The following MSL1 variants were observed in gnomAD, a reference collection of about 807,000 sequenced individuals.
MSL1 encodes the protein male-specific lethal 1 homolog.
Under a neutral mutation model 64.6 loss-of-function variants are expected in MSL1, and 21 were observed. The observed-to-expected ratio is 0.33, with a 90% CI of 0.23 to 0.47. The LOEUF (loss-of-function observed/expected upper bound fraction) is 0.47, where lower values mean the gene tolerates loss of function less well. Among genes scored for constraint, MSL1 ranks in the 20% least tolerant of loss-of-function variants. The probability of loss-of-function intolerance (pLI) is 1.00; values close to 1 mark genes in which losing one functional copy is unlikely to be tolerated. For synonymous variants in MSL1, 339 were observed against 329.6 expected, an observed-to-expected ratio of 1.03 and a Z score of -0.31; for missense variants, 664 against 793.2, an observed-to-expected ratio of 0.84 and a Z score of 1.96.
In MSL1 at chr17:40,131,331, TA is replaced by T. The variant is rs879857425; in HGVS notation, c.1376-195del. 0.073 allele frequency: 28,522 copies of T among 392,960 alleles called. No homozygotes were observed. Among genetic ancestry groups the T allele is most frequent in the South Asian group, 0.1 (2,641 of 26,010 alleles). The allele number at this position is 392,960 out of a possible 1,614,324, so 24.3% of individuals were successfully genotyped here. A position where few individuals can be genotyped will look rare whatever the true frequency, so the allele number is the denominator to read the frequency against. On this transcript the variant is annotated intron_variant, in intron 3 of 8. Coordinates refer to ENST00000398532, the MANE Select transcript of MSL1 (RefSeq NM_001365919.1). The surrounding 1 kb of genome is among the most constrained non-coding windows in gnomAD (Gnocchi z 4.5). ...ATGAAGAAAAGAAGTCGTCTCAGTG[TA>T]AAAAAAAAAAGTGGTGGGCTTATTT...
rs1567668625 is a variant in MSL1 at position 40,126,169 on chromosome 17, ACT to A, written c.769-7_769-6del. 6.2e-7 allele frequency: 1 copy of A among 1,612,068 alleles called. No individual in the cohort carries two copies. The highest frequency in any genetic ancestry group is 2.2e-5 in the East Asian group (1 of 44,874). On this transcript the variant is annotated splice_polypyrimidine_tract_variant and intron_variant, in intron 1 of 8. Transcript: ENST00000398532. The stretch of plus-strand genomic sequence containing the variant: ...TTATGTGTTAAGTCTGCATTTTGCT[ACT>A]CTCTCTTTTAGCTCCTTGCTCGGAT...
chr17:40,123,205 G>A lies in MSL1; in HGVS notation c.593G>A (p.Arg198Lys), dbSNP rs1988232532. 1 of 1,535,514 alleles carries A rather than the reference G, an allele frequency of 6.5e-7. No homozygotes were observed. The highest frequency in any genetic ancestry group is 1.4e-5 in the African/African-American group (1 of 73,042). ...GGGACCCTGGCGGCCAGCGAGGGCA[G>A]ATGGAAGAGTATGAGGAAGAGCCCT... ...TAGTLAASEG[R>K]WKSMRKSPLG... Residue 198 changes from arginine to lysine, a missense_variant, in exon 1 of 9, where the codon AGA becomes AAA. By Grantham distance (26) the Arg-to-Lys change is conservative. Coordinates refer to ENST00000398532, the MANE Select transcript of MSL1 (RefSeq NM_001365919.1).
At position 40,123,220 on chromosome 17, in the gene MSL1, G is replaced by C; in HGVS notation, c.608G>C (p.Arg203Thr). Residue 203 changes from arginine (R) to threonine (T), a missense_variant, in exon 1 of 9, where the codon AGG (arginine) becomes ACG (threonine). Physicochemically the swap from Arg to Thr is moderately conservative, Grantham distance 71. Transcript: ENST00000398532. ...AASEGRWKSM[R>T]KSPLGGGGGS... is the part of the protein sequence containing the mutation. ...AGCGAGGGCAGATGGAAGAGTATGAGGAAGAGCCCTCTCGGGGGTGGTGGC... is the reference window on the plus strand; with the variant it reads ...AGCGAGGGCAGATGGAAGAGTATGACGAAGAGCCCTCTCGGGGGTGGTGGC... The C allele has an allele frequency of 5.2e-6, 8 of 1,535,696 alleles. No individual in the cohort carries two copies. Among genetic ancestry groups the C allele is most frequent in the Non-Finnish European group, 7.0e-6 (8 of 1,146,856 alleles).
rs1472134608 is a variant in MSL1, at chr17:40,136,647, T to G, written c.*2278T>G. ...TAAAAAAAATTGCTTGTCTGTCTACTTCAGCTTTGTTTTATGCCCATTTCA... is the reference window on the plus strand; with the variant it reads ...TAAAAAAAATTGCTTGTCTGTCTACGTCAGCTTTGTTTTATGCCCATTTCA... On this transcript the variant is annotated 3_prime_UTR_variant, in exon 9 of 9. Transcript: ENST00000398532. 6.6e-6 allele frequency: 1 copy of G among 152,398 alleles called. No homozygotes were observed. 9.4% of individuals were successfully genotyped at this position (152,398 alleles called of 1,614,324 possible).
chr17:40,124,814 A>G (rs1988277288), intron 1 of MSL1: 1 of 152,196 alleles, frequency 6.6e-6, no homozygotes. Flanking sequence ...AGTATGGCTG[A>G]TAGGGGGGTT....
chr17:40,123,637 C>A (rs1250271501), intron 1 of MSL1, among the ~76,000 whole-genome samples: 1 of 151,948 alleles, frequency 6.6e-6, no homozygotes, highest in Non-Finnish European at 1.5e-5. Flanking sequence ...AAAATGACAG[C>A]CCCAGACGTG....
At chr17:40,132,123 G>A in intron 5 of MSL1, 25 bp downstream of exon 5, 2 of 1,523,334 alleles carry the variant, frequency 1.3e-6, no homozygotes, top group Non-Finnish European at 1.8e-6. Flanking sequence ...GCACTCAATT[G>A]AAGAGAGTAA....
chr17:40,122,959 G>A lies in MSL1; in HGVS notation c.347G>A (p.Gly116Glu). 1 of 1,526,464 alleles carries A rather than the reference G, an allele frequency of 6.6e-7. No homozygotes were observed. 94.6% of individuals were successfully genotyped at this position (1,526,464 alleles called of 1,614,324 possible). The change falls in exon 1 of 9, where the codon GGG (glycine) becomes GAG (glutamate). Residue 116 changes from glycine (G) to glutamate (E), a missense_variant. Gly to Glu is a moderately conservative substitution (Grantham distance 98). Around this residue, in one of 4 missense-constraint regions of MSL1, gnomAD observed 466 missense variants for 499.0 expected, o/e 0.93. Coordinates refer to ENST00000398532, the MANE Select transcript of MSL1 (RefSeq NM_001365919.1). This position sits in a 1 kb window ranked among gnomAD's most constrained non-coding sequence, Gnocchi z 4.2. The stretch of plus-strand genomic sequence containing the variant: ...GCCACCAAGCAAGCCGGCATTGGGG[G>A]GGAGCCTGCCGCAGCCGGAGCCGGC... ...PPATKQAGIG[G>E]EPAAAGAGCS...
At position 40,131,778 on chromosome 17, in the gene MSL1, A is replaced by G. The variant is rs566139539; in HGVS notation, c.1423+194A>G. 17 of 644,618 alleles carry G rather than the reference A, an allele frequency of 2.6e-5. No homozygotes were observed. Among genetic ancestry groups the G allele is most frequent in the Non-Finnish European group, 4.7e-5 (17 of 360,520 alleles). The allele number at this position is 644,618 out of a possible 1,614,324, so 39.9% of individuals were successfully genotyped here. A position where few individuals can be genotyped will look rare whatever the true frequency, so the allele number is the denominator to read the frequency against. ...TTTCAGGAACTGCTATAGCATCATT[A>G]TATGAATTGTCAGGTATTGGTTTAG... On this transcript the variant is annotated intron_variant, in intron 4 of 8. Transcript: ENST00000398532. The surrounding 1 kb of genome is among the most constrained non-coding windows in gnomAD (Gnocchi z 4.5).
intron 5 of MSL1, among the ~76,000 whole-genome samples, chr17:40,132,628 C>T (rs1223441916): frequency 6.6e-6 from 1 of 152,092 alleles, no homozygotes; most frequent in Non-Finnish European, 1.5e-5. Flanking sequence ...GACGGAGTGA[C>T]TCCATCACAC....
In MSL1 at chr17:40,126,176, C is replaced by CT. The variant is rs776898656; in HGVS notation, c.769-3dup. 2 of 1,613,694 alleles carry CT rather than the reference C, an allele frequency of 1.2e-6. No individual in the cohort carries two copies. Among genetic ancestry groups the CT allele is most frequent in the Admixed American group, 3.3e-5 (2 of 60,026 alleles). On this transcript the variant is annotated splice_polypyrimidine_tract_variant and splice_region_variant and intron_variant, in intron 1 of 8. Coordinates refer to ENST00000398532, the MANE Select transcript of MSL1 (RefSeq NM_001365919.1). ...TTAAGTCTGCATTTTGCTACTCTCT[C>CT]TTTTAGCTCCTTGCTCGGATTGAAC...
chr17:40,132,378 CT>C (rs1988454161), intron 5 of MSL1, among the ~76,000 whole-genome samples: 1 of 152,134 alleles, frequency 6.6e-6, no homozygotes, highest in Non-Finnish European at 1.5e-5. Context: ...TGGCTTACGC[CT>C]ATAATCCCAG....
At chr17:40,132,433 T>A (rs2145135600) in intron 5 of MSL1, among the ~76,000 whole-genome samples, 1 of 151,828 alleles carries the variant, frequency 6.6e-6, no homozygotes, top group East Asian at 1.9e-4. Context: ...AGGTCAGGAG[T>A]CAGAGATCAG....
chr17:40,125,211 A>G (rs549832249), intron 1 of MSL1, among the ~76,000 whole-genome samples: 35 of 152,338 alleles, frequency 2.3e-4, no homozygotes, highest in Non-Finnish European at 4.0e-4. Context: ...AAACTAAAGG[A>G]ACTTTGATTT....
In MSL1 at chr17:40,122,564, T is replaced by G. The variant is rs1598409235; in HGVS notation, c.-49T>G. 45 of 976,416 alleles carry G rather than the reference T, an allele frequency of 4.6e-5. No individual in the cohort carries two copies. The highest frequency in any genetic ancestry group is 9.4e-5 in the East Asian group (2 of 21,350). 60.5% of individuals were successfully genotyped at this position (976,416 alleles called of 1,614,324 possible). A position where few individuals can be genotyped will look rare whatever the true frequency, so the allele number is the denominator to read the frequency against. On this transcript the variant is annotated 5_prime_UTR_variant, in exon 1 of 9. Coordinates refer to ENST00000398532, the MANE Select transcript of MSL1 (RefSeq NM_001365919.1). This position sits in a 1 kb window ranked among gnomAD's most constrained non-coding sequence, Gnocchi z 4.2. ...TCCTCGACCCCCCGCACCTCGCCCC[T>G]TCCCCACCCCCTCCTCCGCCTCGGT...
At position 40,122,966 on chromosome 17, in the gene MSL1, TGCCGCA is replaced by T. The variant is rs1004486585; in HGVS notation, c.359_364del (p.Ala120_Ala121del). 30 of 1,526,736 alleles carry T rather than the reference TGCCGCA, an allele frequency of 2.0e-5. No individual in the cohort carries two copies. Among genetic ancestry groups the T allele is most frequent in the Admixed American group, 4.0e-5 (2 of 50,410 alleles). The allele number at this position is 1,526,736 out of a possible 1,614,324, so 94.6% of individuals were successfully genotyped here. A position where few individuals can be genotyped will look rare whatever the true frequency, so the allele number is the denominator to read the frequency against. On this transcript the variant is annotated inframe_deletion, in exon 1 of 9. Coordinates refer to ENST00000398532, the MANE Select transcript of MSL1 (RefSeq NM_001365919.1). The surrounding 1 kb of genome is among the most constrained non-coding windows in gnomAD (Gnocchi z 4.2). ...AGCAAGCCGGCATTGGGGGGGAGCC[TGCCGCA>T]GCCGGAGCCGGCTGCAGCCCCCGGC...
At position 40,122,718 on chromosome 17, in the gene MSL1, G is replaced by T; in HGVS notation, c.106G>T (p.Asp36Tyr). Residue 36 changes from aspartate (D) to tyrosine (Y), a missense_variant, in exon 1 of 9, where the codon GAC becomes TAC. By Grantham distance (160) the Asp-to-Tyr change is radical. Transcript: ENST00000398532. The surrounding 1 kb of genome is among the most constrained non-coding windows in gnomAD (Gnocchi z 4.2). ...ERAAALGGPE[D>Y]EPGAAEAHFL... ...GGCTGCGGCGCTGGGCGGGCCCGAG[G>T]ACGAGCCTGGGGCGGCCGAAGCCCA... is the stretch of plus-strand genomic sequence containing the variant. 6.8e-7 allele frequency: 1 copy of T among 1,477,794 alleles called. No individual in the cohort carries two copies. The highest frequency in any genetic ancestry group is 8.9e-7 in the Non-Finnish European group (1 of 1,122,080). The allele number at this position is 1,477,794 out of a possible 1,614,324, so 91.5% of individuals were successfully genotyped here.
intron 1 of MSL1, among the ~76,000 whole-genome samples, chr17:40,124,326 CCT>C (rs1438103860): frequency 1.3e-5 from 2 of 151,626 alleles, no homozygotes; most frequent in African/African-American, 2.4e-5. Context: ...TCTCTCTCTC[CCT>C]CTCTCCCTCC....
In MSL1 at chr17:40,126,320, GGAGTGC is replaced by G. The variant is rs762229595; in HGVS notation, c.907_912del (p.Glu303_Cys304del). ...CAGAGCTATCTGAGAAAATTAAACT[GGAGTGC>G]CAGCCGGAGCTTTCCGAGACATCCC... On this transcript the variant is annotated inframe_deletion, in exon 2 of 9. Coordinates refer to ENST00000398532, the MANE Select transcript of MSL1 (RefSeq NM_001365919.1). The G allele has an allele frequency of 1.9e-6, 3 of 1,614,012 alleles. No homozygotes were observed. In the Admixed American group the frequency reaches 5.0e-5, roughly 27 times the overall value.
Sources: allele counts gnomAD v4.1 joint callset (sites outside exome capture counted in the v4.1 genomes callset), GRCh38; gene constraint gnomAD v4.1.1; regional missense constraint gnomAD v4.1.1; non-coding constraint Gnocchi (gnomAD v3.1); transcripts MANE v1.5; gene names NCBI Gene and HGNC (gene_info 2026-07-23, HGNC 2026-07-21).